The following GC variants were observed in gnomAD, a reference collection of about 807,000 sequenced individuals.
The protein encoded by GC is GC vitamin D binding protein, also known as vitamin D-binding protein.
In GC, 43 loss-of-function variants were observed where a neutral mutation model predicts 56.7. The ratio of observed to expected loss-of-function variants is 0.76; its 90% CI spans 0.59 to 0.98. The LOEUF is 0.98. GC is among the 50% of genes least tolerant of loss of function. GC has a pLI of 0.00. For missense variants in GC, 529 were observed against 545.9 expected, an observed-to-expected ratio of 0.97 and a Z score of 0.31; for synonymous variants, 216 against 202.7, an observed-to-expected ratio of 1.07 and a Z score of -0.56.
intron 2 of GC, among the ~76,000 whole-genome samples, 178 bp downstream of exon 2, chr4:71,769,153 G>T (rs1023885789): frequency 6.6e-6 from 1 of 152,144 alleles, no homozygotes; most frequent in Non-Finnish European, 1.5e-5. Context: ...GAGGTCATCT[G>T]GAATCTCTGG....
intron 1 of GC, among the ~76,000 whole-genome samples, chr4:71,793,161 T>C (rs1364919562): frequency 6.6e-6 from 1 of 152,220 alleles, no homozygotes; most frequent in Non-Finnish European, 1.5e-5. Flanking sequence ...TTTGGTTCTA[T>C]ATGAACTTTA....
At chr4:71,747,419 G>C (rs1741410436) in intron 11 of GC, among the ~76,000 whole-genome samples, 1 of 152,046 alleles carries the variant, frequency 6.6e-6, no homozygotes, top group African/African-American at 2.4e-5. Flanking sequence ...AAAGGAAGAG[G>C]ACAATATGAA....
At chr4:71,796,188 C>G (rs1743098967) in intron 1 of GC, among the ~76,000 whole-genome samples, 1 of 152,124 alleles carries the variant, frequency 6.6e-6, no homozygotes, top group Non-Finnish European at 1.5e-5. Context: ...TTCTGTATTT[C>G]CCGAATTTGA....
intron 1 of GC, among the ~76,000 whole-genome samples, chr4:71,797,430 G>C (rs994151173): frequency 6.6e-6 from 1 of 152,244 alleles, no homozygotes; most frequent in Non-Finnish European, 1.5e-5. Context: ...CTGCAGCCTC[G>C]CAGTTCAATC....
upstream of GC, among the ~76,000 whole-genome samples, chr4:71,786,788 C>A (rs1036025834): frequency 2.0e-5 from 3 of 151,928 alleles, no homozygotes; most frequent in Non-Finnish European, 4.4e-5. Flanking sequence ...TTTAATGCTG[C>A]GACAGTCTTC....
upstream of GC, among the ~76,000 whole-genome samples, chr4:71,786,243 C>T (rs927252639): frequency 6.6e-6 from 1 of 151,672 alleles, no homozygotes; most frequent in Admixed American, 6.6e-5. Flanking sequence ...AATATATGAG[C>T]CTTTTTTTCA....
chr4:71,752,806 G>GTC lies in GC; in HGVS notation c.1263-158_1263-157dup, dbSNP rs376291720. On this transcript the variant is annotated intron_variant, in intron 10 of 12. Transcript: ENST00000273951. ...AATTCTATACCTGTGGTATAGAATAGTCAATTTGAGATCAGAAAGTGAAAC... is the reference window on the plus strand; with the variant it reads ...AATTCTATACCTGTGGTATAGAATAGTCTCAATTTGAGATCAGAAAGTGAAAC... Among the ~76,000 whole-genome samples, 307 of 152,174 alleles carry GTC rather than the reference G, an allele frequency of 2.0e-3. 2 individuals are homozygous for GTC. The highest frequency in any genetic ancestry group is 7.1e-3 in the African/African-American group (296 of 41,506).
intron 7 of GC, among the ~76,000 whole-genome samples, chr4:71,757,804 A>C (rs1741832003): frequency 6.6e-6 from 1 of 152,180 alleles, no homozygotes; most frequent in Admixed American, 6.5e-5. Flanking sequence ...AGATAATCTC[A>C]TCTTTGCATA....
At chr4:71,783,834 C>CT (rs1742761941) in intron 1 of GC, 127 bp downstream of exon 1, 1 of 583,724 alleles carries the variant, frequency 1.7e-6, no homozygotes, top group African/African-American at 1.9e-5. Flanking sequence ...CTCTCTGGTC[C>CT]TTATCCCTCT....
intron 12 of GC, among the ~76,000 whole-genome samples, chr4:71,743,401 T>A (rs1006521417): frequency 2.6e-5 from 4 of 152,162 alleles, no homozygotes; most frequent in African/African-American, 9.7e-5. Flanking sequence ...AAATGGATAT[T>A]TTCTACTTGA....
At chr4:71,791,539 G>A (rs1205103720) in intron 1 of GC, among the ~76,000 whole-genome samples, 1 of 151,990 alleles carries the variant, frequency 6.6e-6, no homozygotes, top group African/African-American at 2.4e-5. Context: ...CGACAGTACT[G>A]AATCTTCCTA....
At chr4:71,788,195 G>T (rs562835112), upstream of GC, among the ~76,000 whole-genome samples, 1 of 118,666 alleles carries the variant, frequency 8.4e-6, no homozygotes, top group Non-Finnish European at 2.1e-5. Context: ...TCTGTAATTC[G>T]TTTATGCTCA....
At chr4:71,800,686 A>G (rs1286678171) in intron 1 of GC, among the ~76,000 whole-genome samples, 3 of 152,206 alleles carry the variant, frequency 2.0e-5, no homozygotes, top group African/African-American at 7.2e-5. Flanking sequence ...GAAATAATTT[A>G]CATTTCCACC....
At chr4:71,802,012 G>C (rs1743265474) in intron 1 of GC, among the ~76,000 whole-genome samples, 1 of 151,804 alleles carries the variant, frequency 6.6e-6, no homozygotes, top group Non-Finnish European at 1.5e-5. Flanking sequence ...TAATTTTGTG[G>C]AAGTGAACAA....
At chr4:71,767,864 T>C (rs1377077720) in intron 3 of GC, among the ~76,000 whole-genome samples, 1 of 152,002 alleles carries the variant, frequency 6.6e-6, no homozygotes, top group Non-Finnish European at 1.5e-5. Context: ...CTTATGCCTT[T>C]AAATCCTCAT....
At chr4:71,762,355 C>G (rs1204461611) in intron 6 of GC, among the ~76,000 whole-genome samples, 1 of 152,148 alleles carries the variant, frequency 6.6e-6, no homozygotes, top group Non-Finnish European at 1.5e-5. Flanking sequence ...GCCTGTACCC[C>G]CATTGTATCT....
In GC at chr4:71,763,765, A is replaced by C. The variant is rs186595321; in HGVS notation, c.606+39T>G. On this transcript the variant is annotated intron_variant, in intron 5 of 12. Coordinates refer to ENST00000273951, the MANE Select transcript of GC (RefSeq NM_000583.4). ...TATCTAAAAGGAATGCTATTAGAAG[A>C]AAAAAACGTAAACATATAATAAGTA... 1,441 of 1,542,942 alleles carry C rather than the reference A, an allele frequency of 9.3e-4. 6 individuals are homozygous for C. The highest frequency in any genetic ancestry group is 9.9e-4 in the Non-Finnish European group (1,124 of 1,136,716).
chr4:71,786,862 C>T (rs544987491), upstream of GC, among the ~76,000 whole-genome samples: 35 of 151,978 alleles, frequency 2.3e-4, 1 homozygote, highest in South Asian at 6.8e-3. Flanking sequence ...CTGGTGTTCT[C>T]TTCGTTCAGA....
chr4:71,746,079 C>T, intron 12 of GC, 72 bp downstream of exon 12: 1 of 709,464 alleles, frequency 1.4e-6, no homozygotes, highest in South Asian at 1.6e-5. Flanking sequence ...AGTCTCCTTC[C>T]CATTCTTTGA....
Sources: allele counts gnomAD v4.1 joint callset (sites outside exome capture counted in the v4.1 genomes callset), GRCh38; gene constraint gnomAD v4.1.1; transcripts MANE v1.5; gene names NCBI Gene and HGNC (gene_info 2026-07-23, HGNC 2026-07-21).